EPB41L4A: variants seen among roughly 807,000 people sequenced by gnomAD.
EPB41L4A encodes the protein erythrocyte membrane protein band 4.1 like 4A.
In EPB41L4A, 100 loss-of-function variants were observed where a neutral mutation model predicts 108.6. The ratio of observed to expected loss-of-function variants is 0.92; its 90% CI spans 0.78 to 1.09. The LOEUF (loss-of-function observed/expected upper bound fraction) is 1.09, where lower values mean the gene tolerates loss of function less well. EPB41L4A is among the 50% of genes least tolerant of loss of function. The pLI is 0.00. For missense variants in EPB41L4A, 1,030 were observed against 842.7 expected (o/e 1.22, Z -2.75); for synonymous variants, 319 against 289.0 (o/e 1.10, Z -1.05).
chr5:112,180,354 C>T (rs1018913181), intron 18 of EPB41L4A, among the ~76,000 whole-genome samples: 3 of 151,912 alleles, frequency 2.0e-5, no homozygotes, highest in Admixed American at 2.0e-4. Flanking sequence ...CTACAGTAAC[C>T]GAGACAACAT....
intron 18 of EPB41L4A, among the ~76,000 whole-genome samples, chr5:112,176,654 G>A (rs1021073408): frequency 6.6e-6 from 1 of 150,998 alleles, no homozygotes; most frequent in Admixed American, 6.6e-5. Flanking sequence ...AGCTAAAAGC[G>A]TCTCACGTGG....
intron 1 of EPB41L4A, among the ~76,000 whole-genome samples, chr5:112,378,797 C>T (rs1376150503): frequency 6.6e-6 from 1 of 152,164 alleles, no homozygotes; most frequent in Non-Finnish European, 1.5e-5. Context: ...AACATACAGT[C>T]GTTATTCCAG....
intron 1 of EPB41L4A, among the ~76,000 whole-genome samples, chr5:112,356,331 A>C (rs1317755919): frequency 6.6e-6 from 1 of 152,162 alleles, no homozygotes; most frequent in African/African-American, 2.4e-5. Flanking sequence ...CTTGATACTT[A>C]AGGGTGGTAA....
chr5:112,346,628 G>A (rs1757695654), intron 1 of EPB41L4A, among the ~76,000 whole-genome samples: 1 of 152,154 alleles, frequency 6.6e-6, no homozygotes, highest in Non-Finnish European at 1.5e-5. Flanking sequence ...GATCATTCTG[G>A]TTCTCACCAA....
chr5:112,228,521 T>C (rs1287807414), intron 12 of EPB41L4A, among the ~76,000 whole-genome samples: 2 of 152,230 alleles, frequency 1.3e-5, no homozygotes, highest in African/African-American at 2.4e-5. Context: ...CTGCAAGTAT[T>C]TGTGTGTTCA....
chr5:112,158,082 A>G (rs1018805059), downstream of EPB41L4A, among the ~76,000 whole-genome samples: 7 of 152,240 alleles, frequency 4.6e-5, no homozygotes, highest in Admixed American at 4.6e-4. Flanking sequence ...CCTAACACTG[A>G]TCCAGTAATT....
At chr5:112,326,294 G>A (rs750097897) in intron 1 of EPB41L4A, among the ~76,000 whole-genome samples, 3 of 151,770 alleles carry the variant, frequency 2.0e-5, no homozygotes, top group Admixed American at 6.6e-5. Context: ...GCCAAACCCC[G>A]CATCCAGAAG....
intron 1 of EPB41L4A, among the ~76,000 whole-genome samples, chr5:112,311,077 T>C (rs531762308): frequency 2.6e-5 from 4 of 152,222 alleles, no homozygotes; most frequent in South Asian, 2.1e-4. Context: ...AGTGGTGTGA[T>C]CTTGGCTCAC....
At chr5:112,215,572 T>C (rs939002639) in intron 12 of EPB41L4A, among the ~76,000 whole-genome samples, 9 of 151,524 alleles carry the variant, frequency 5.9e-5, no homozygotes, top group South Asian at 4.2e-4. Flanking sequence ...ACCATTCTGG[T>C]TAACAATGGT....
intron 1 of EPB41L4A, among the ~76,000 whole-genome samples, chr5:112,323,982 A>C (rs757454873): frequency 6.6e-6 from 1 of 152,194 alleles, no homozygotes; most frequent in Non-Finnish European, 1.5e-5. Flanking sequence ...GGCAAGCAAA[A>C]GGCCTTTTTT....
chr5:112,381,598 G>A (rs189465352), intron 1 of EPB41L4A, among the ~76,000 whole-genome samples: 4 of 152,352 alleles, frequency 2.6e-5, no homozygotes, highest in African/African-American at 7.2e-5. Flanking sequence ...CAGAATGGAT[G>A]GGAAATCTAG....
At chr5:112,205,224 G>A (rs1762414679) in intron 14 of EPB41L4A, among the ~76,000 whole-genome samples, 197 bp downstream of exon 14, 2 of 151,892 alleles carry the variant, frequency 1.3e-5, no homozygotes, top group African/African-American at 4.8e-5. Context: ...AAAGTTTCAT[G>A]TTATAAAACA....
intron 12 of EPB41L4A, among the ~76,000 whole-genome samples, chr5:112,219,426 G>T (rs1747883299): frequency 6.6e-6 from 1 of 152,156 alleles, no homozygotes; most frequent in Non-Finnish European, 1.5e-5. Flanking sequence ...GTGGAACTGT[G>T]AGTCTTTTAA....
intron 2 of EPB41L4A, among the ~76,000 whole-genome samples, chr5:112,300,137 T>G (rs1738130632): frequency 6.6e-6 from 1 of 152,204 alleles, no homozygotes; most frequent in African/African-American, 2.4e-5. Flanking sequence ...TTTAGGCTAT[T>G]TACATTCAAC....
intron 1 of EPB41L4A, among the ~76,000 whole-genome samples, chr5:112,349,188 A>G (rs1757878459): frequency 6.6e-6 from 1 of 152,198 alleles, no homozygotes; most frequent in African/African-American, 2.4e-5. Context: ...AAAATGTTGA[A>G]GTCTGTCAAA....
chr5:112,331,799 G>A (rs1324113936), intron 1 of EPB41L4A, among the ~76,000 whole-genome samples: 1 of 152,222 alleles, frequency 6.6e-6, no homozygotes, highest in Non-Finnish European at 1.5e-5. Context: ...ATGAGTGACA[G>A]CAGCTGGAGG....
intron 1 of EPB41L4A, among the ~76,000 whole-genome samples, chr5:112,351,204 A>C (rs1758022124): frequency 6.6e-6 from 1 of 152,242 alleles, no homozygotes; most frequent in Non-Finnish European, 1.5e-5. Context: ...TGGTTTTTTA[A>C]AAAGGTAAAC....
chr5:112,419,553 C>T, upstream of EPB41L4A: 1 of 436,640 alleles, frequency 2.3e-6, no homozygotes, highest in Non-Finnish European at 4.6e-6. Context: ...GCGCGCACTT[C>T]CAGCCGCGAC....
chr5:112,177,302 C>A (rs1030564991), intron 18 of EPB41L4A, among the ~76,000 whole-genome samples: 6 of 152,178 alleles, frequency 3.9e-5, no homozygotes, highest in Admixed American at 2.0e-4. Flanking sequence ...TCAAAGCCAG[C>A]AACAGCAGGT....
Sources: gnomAD v4.1 joint callset for allele counts (sites outside exome capture counted in the v4.1 genomes callset) on GRCh38, gnomAD v4.1.1 for gene constraint, MANE v1.5 for transcripts, NCBI Gene and HGNC (gene_info 2026-07-23, HGNC 2026-07-21) for gene names.